Variants in ANO4 observed in about 807,000 individuals in gnomAD.
The protein encoded by ANO4 is anoctamin-4.
Under a neutral mutation model 141.9 loss-of-function variants are expected in ANO4, and 69 were observed. The ratio of observed to expected loss-of-function variants is 0.49; its 90% CI spans 0.40 to 0.59. The LOEUF (loss-of-function observed/expected upper bound fraction) is 0.59, where lower values mean the gene tolerates loss of function less well. Among genes scored for constraint, ANO4 ranks in the 20% least tolerant of loss-of-function variants. The pLI is 0.00. For missense variants in ANO4, 894 were observed against 1,162.2 expected, an observed-to-expected ratio of 0.77 and a Z score of 3.36; for synonymous variants, 350 against 394.3, an observed-to-expected ratio of 0.89 and a Z score of 1.33.
chr12:100,861,537 A>G (rs2038475243), intron 1 of ANO4, among the ~76,000 whole-genome samples: 1 of 152,230 alleles, frequency 6.6e-6, no homozygotes, highest in Admixed American at 6.5e-5. Context: ...AAGCCTGCGG[A>G]ACTGGAAATT....
At chr12:100,853,709 C>T (rs1214358131) in intron 1 of ANO4, among the ~76,000 whole-genome samples, 1 of 152,112 alleles carries the variant, frequency 6.6e-6, no homozygotes, top group Non-Finnish European at 1.5e-5. Context: ...GACCTATTAA[C>T]TTCCAATGTT....
intron 3 of ANO4, among the ~76,000 whole-genome samples, chr12:100,785,295 T>G (rs537564388): frequency 6.6e-6 from 1 of 152,310 alleles, no homozygotes; most frequent in South Asian, 2.1e-4. Context: ...CTTGGTATGG[T>G]ATATTCTATG....
At chr12:100,969,908 A>C (rs1282289399) in intron 5 of ANO4, among the ~76,000 whole-genome samples, 1 of 152,222 alleles carries the variant, frequency 6.6e-6, no homozygotes, top group East Asian at 1.9e-4. Context: ...TCCTTCTACA[A>C]CTGATCCCTC....
intron 1 of ANO4, among the ~76,000 whole-genome samples, chr12:100,829,298 T>A (rs1514780): frequency 0.11 from 16,634 of 152,182 alleles, 1,048 homozygotes; most frequent in South Asian, 0.17. Flanking sequence ...AGTTTTCTTA[T>A]CATTAAATGA....
Position 100,974,991 on chromosome 12 carries a change from C to T in ANO4, c.602+102C>T. Reference sequence around the variant, plus strand: ...AGCTGGGGAAGATGAGCCTGTGTCACATGGGAAAGTTGGCTGCCATGCACA... The same window carrying T: ...AGCTGGGGAAGATGAGCCTGTGTCATATGGGAAAGTTGGCTGCCATGCACA... On this transcript the variant is annotated intron_variant, in intron 7 of 27. Coordinates refer to ENST00000392977, the MANE Select transcript of ANO4 (RefSeq NM_001286615.2). 3.6e-6 allele frequency: 5 copies of T among 1,376,628 alleles called. No homozygotes were observed. In the South Asian group the frequency reaches 5.8e-5, roughly 16 times the overall value. 85.3% of individuals were successfully genotyped at this position (1,376,628 alleles called of 1,614,324 possible). A position where few individuals can be genotyped will look rare whatever the true frequency, so the allele number is the denominator to read the frequency against.
intron 1 of ANO4, among the ~76,000 whole-genome samples, chr12:100,812,588 A>G (rs1158208860): frequency 6.6e-6 from 1 of 152,314 alleles, no homozygotes; most frequent in African/African-American, 2.4e-5. Context: ...GAATACAATT[A>G]AATTGCATGT....
At chr12:100,773,137 G>T (rs1210281040) in intron 3 of ANO4, among the ~76,000 whole-genome samples, 3 of 152,194 alleles carry the variant, frequency 2.0e-5, no homozygotes, top group Non-Finnish European at 4.4e-5. Context: ...TCTGGTGAAT[G>T]CCTGCTTCCT....
rs1565870070 is a variant in ANO4, at chr12:100,777,843, T to G, written c.358+37738T>G. On this transcript the variant is annotated intron_variant, in intron 3 of 29. Transcript: ENST00000644049. ...CACTTTGTTCAGGAATGTTCTTACT[T>G]ATCATCACATTGTGAGAGTCTCTCA... Among the ~76,000 whole-genome samples, 3 of 152,164 alleles carry G rather than the reference T, an allele frequency of 2.0e-5. No individual in the cohort carries two copies. The East Asian group carries it at 5.8e-4, about 29-fold the overall frequency.
At chr12:101,069,311 G>A (rs921928976) in intron 14 of ANO4, 53 of 746,838 alleles carry the variant, frequency 7.1e-5, no homozygotes, top group Middle Eastern at 3.9e-4. Context: ...CATTACCAGC[G>A]GAAGATTTAT....
At chr12:100,721,463 G>T (rs1046406278) in intron 1 of ANO4, among the ~76,000 whole-genome samples, 1 of 152,142 alleles carries the variant, frequency 6.6e-6, no homozygotes. Flanking sequence ...GTCATTCCAG[G>T]GAGCAACAGC....
At chr12:101,062,945 C>T (rs1566194005) in intron 14 of ANO4, among the ~76,000 whole-genome samples, 2 of 152,184 alleles carry the variant, frequency 1.3e-5, no homozygotes, top group Non-Finnish European at 2.9e-5. Flanking sequence ...AAAATAATTC[C>T]TACAACTAGC....
At chr12:100,926,027 TCC>T (rs2041858140) in intron 3 of ANO4, among the ~76,000 whole-genome samples, 1 of 151,992 alleles carries the variant, frequency 6.6e-6, no homozygotes, top group Admixed American at 6.6e-5. Context: ...TAAGATTTTC[TCC>T]ATTTTAAAGG....
intron 8 of ANO4, 72 bp downstream of exon 8, chr12:100,987,742 T>G: frequency 6.4e-7 from 1 of 1,569,232 alleles, no homozygotes. Flanking sequence ...CCTGCACGCC[T>G]TTGATTCCTG....
chr12:100,887,871 G>A (rs1048743488), intron 1 of ANO4, among the ~76,000 whole-genome samples: 1 of 152,182 alleles, frequency 6.6e-6, no homozygotes, highest in Admixed American at 6.5e-5. Context: ...ATGATATAGA[G>A]TTTATGTCTA....
At chr12:101,049,866 C>T (rs1360667853) in intron 14 of ANO4, among the ~76,000 whole-genome samples, 1 of 152,138 alleles carries the variant, frequency 6.6e-6, no homozygotes, top group African/African-American at 2.4e-5. Context: ...ATCAGTCAAA[C>T]CACAGGTTGG....
intron 1 of ANO4, among the ~76,000 whole-genome samples, chr12:100,835,956 A>G (rs987404019): frequency 3.9e-5 from 6 of 152,160 alleles, no homozygotes; most frequent in Non-Finnish European, 7.4e-5. Flanking sequence ...CACAAGCTGA[A>G]TATCAGGAAA....
At chr12:100,987,756 A>C in intron 8 of ANO4, 86 bp downstream of exon 8, 1 of 1,545,862 alleles carries the variant, frequency 6.5e-7, no homozygotes, top group Non-Finnish European at 8.7e-7. Flanking sequence ...ATTCCTGGGC[A>C]TGAGGAAGGA....
At chr12:100,940,002 T>G (rs1221924076) in intron 4 of ANO4, among the ~76,000 whole-genome samples, 6 of 152,210 alleles carry the variant, frequency 3.9e-5, no homozygotes, top group East Asian at 3.8e-4. Flanking sequence ...CCTTTGTACA[T>G]GTACTGGGTA....
chr12:100,863,756 G>T (rs905920765), intron 1 of ANO4, among the ~76,000 whole-genome samples: 4 of 152,036 alleles, frequency 2.6e-5, no homozygotes, highest in East Asian at 3.9e-4. Flanking sequence ...TTTTGATAAG[G>T]TTTAAAATTG....
Sources: gnomAD v4.1 joint callset for allele counts (sites outside exome capture counted in the v4.1 genomes callset) on GRCh38, gnomAD v4.1.1 for gene constraint, MANE v1.5 for transcripts, NCBI Gene and HGNC (gene_info 2026-07-23, HGNC 2026-07-21) for gene names.